The following EML6 variants were observed in gnomAD, a reference collection of about 807,000 sequenced individuals.
The protein encoded by EML6 is EMAP like 6.
Under a neutral mutation model 240.1 loss-of-function variants are expected in EML6, and 154 were observed. The ratio of observed to expected loss-of-function variants is 0.64; its 90% CI spans 0.56 to 0.73. The LOEUF is 0.73. Ranked by LOEUF, EML6 falls within the 30% of genes least tolerant of loss-of-function variation. EML6 has a pLI of 0.00. For synonymous variants in EML6, 1,148 were observed against 899.0 expected (o/e 1.28, Z -4.95); for missense variants, 2,964 against 2,474.6 (o/e 1.20, Z -4.20).
chr2:54,947,521 T>C (rs1482211611), intron 28 of EML6, among the ~76,000 whole-genome samples: 1 of 151,928 alleles, frequency 6.6e-6, no homozygotes, highest in Non-Finnish European at 1.5e-5. Context: ...CCGCAAGCCA[T>C]TCGAGCAGGC....
chr2:54,845,373 G>A (rs954063599), intron 8 of EML6, among the ~76,000 whole-genome samples: 19 of 152,176 alleles, frequency 1.2e-4, no homozygotes, highest in Admixed American at 9.8e-4. Flanking sequence ...TACCCATCCA[G>A]AAAGAAGTGA....
chr2:54,797,736 G>A (rs1193695363), intron 2 of EML6, among the ~76,000 whole-genome samples: 2 of 152,146 alleles, frequency 1.3e-5, no homozygotes, highest in Non-Finnish European at 2.9e-5. Context: ...GAGGTTATAA[G>A]CACCAGCTTT....
At chr2:54,969,765 A>C (rs1190470237) in intron 41 of EML6, among the ~76,000 whole-genome samples, 1 of 152,206 alleles carries the variant, frequency 6.6e-6, no homozygotes, top group Non-Finnish European at 1.5e-5. Flanking sequence ...GAGGTGATAA[A>C]CCTTTTCAAT....
At chr2:54,810,606 A>G (rs576484082) in intron 2 of EML6, among the ~76,000 whole-genome samples, 1 of 152,214 alleles carries the variant, frequency 6.6e-6, no homozygotes, top group South Asian at 2.1e-4. Context: ...CTGGCCTTCC[A>G]GGGGAAATAT....
intron 19 of EML6, among the ~76,000 whole-genome samples, chr2:54,894,484 T>G (rs946493782): frequency 6.6e-6 from 1 of 152,224 alleles, no homozygotes; most frequent in African/African-American, 2.4e-5. Flanking sequence ...GGACATGACT[T>G]TTATTTTTAA....
chr2:54,931,534 C>CCAG (rs1230334740), intron 28 of EML6, among the ~76,000 whole-genome samples: 2 of 152,258 alleles, frequency 1.3e-5, no homozygotes, highest in Admixed American at 1.3e-4. Flanking sequence ...GGGCCGTTGC[C>CCAG]CAGCAGCTCC....
At chr2:54,968,518 C>T (rs1333291179) in intron 40 of EML6, 150 bp from the exon 41 acceptor site, 1 of 671,340 alleles carries the variant, frequency 1.5e-6, no homozygotes. Flanking sequence ...GAAAGTCAGC[C>T]AAAGGCTGGC....
intron 23 of EML6, 49 bp downstream of exon 23, chr2:54,903,245 A>G: frequency 6.5e-7 from 1 of 1,531,576 alleles, no homozygotes; most frequent in Non-Finnish European, 8.8e-7. Flanking sequence ...CTTGGGACAA[A>G]AAATTACAAG....
At chr2:54,859,113 C>A (rs1670541581) in intron 11 of EML6, among the ~76,000 whole-genome samples, 2 of 152,220 alleles carry the variant, frequency 1.3e-5, no homozygotes, top group East Asian at 3.8e-4. Flanking sequence ...AAAAATGATT[C>A]TCCAAACTCT....
At chr2:54,804,807 C>G (rs1011263081) in intron 2 of EML6, among the ~76,000 whole-genome samples, 2 of 152,200 alleles carry the variant, frequency 1.3e-5, no homozygotes, top group Non-Finnish European at 1.5e-5. Flanking sequence ...ACTTCCACAT[C>G]TCAAAACAGT....
intron 2 of EML6, among the ~76,000 whole-genome samples, chr2:54,798,869 G>C (rs1669961765): frequency 6.6e-6 from 1 of 152,142 alleles, no homozygotes. Flanking sequence ...TAAAGAGAAT[G>C]CATTCAGTAT....
chr2:54,849,860 G>T, intron 9 of EML6, 102 bp from the exon 10 acceptor site: 1 of 871,646 alleles, frequency 1.1e-6, no homozygotes, highest in Non-Finnish European at 1.7e-6. Flanking sequence ...CTGCAGGTTT[G>T]GTTCTCTTTC....
At chr2:54,956,398 G>A (rs1676235099) in intron 32 of EML6, among the ~76,000 whole-genome samples, 1 of 94,528 alleles carries the variant, frequency 1.1e-5, no homozygotes, top group African/African-American at 2.7e-5. Context: ...CTTGGAGTGG[G>A]AGGGTTGTCT....
chr2:54,843,894 T>C (rs1240995443), intron 7 of EML6, among the ~76,000 whole-genome samples, 153 bp from the exon 8 acceptor site: 1 of 150,108 alleles, frequency 6.7e-6, no homozygotes, highest in East Asian at 2.0e-4. Flanking sequence ...GTTGATTCTC[T>C]GCCTCCAAGA....
At chr2:54,902,969 T>G (rs1673138209) in intron 22 of EML6, 75 bp from the exon 23 acceptor site, 1 of 1,362,000 alleles carries the variant, frequency 7.3e-7, no homozygotes, top group African/African-American at 1.5e-5. Flanking sequence ...ATCATCAGAT[T>G]TCTTCATCTT....
intron 2 of EML6, among the ~76,000 whole-genome samples, chr2:54,775,408 C>G (rs568814272): frequency 6.6e-6 from 1 of 152,102 alleles, no homozygotes. Flanking sequence ...TGTTCTTTCC[C>G]GTGCCTGAAA....
In EML6 at chr2:54,764,410, C is replaced by A. The variant is rs531591192; in HGVS notation, c.197+39152C>A. ...ATAATTAACTCAACATCTGATCCCC[C>A]CAAAGCAATCACAAATAAATTCATT... On this transcript the variant is annotated intron_variant, in intron 2 of 41. Transcript: ENST00000356458. 1.3e-3 allele frequency among the ~76,000 whole-genome samples: 193 copies of A among 152,286 alleles called. 2 individuals carry two copies. The highest frequency in any genetic ancestry group is 4.4e-3 in the African/African-American group (182 of 41,560).
intron 21 of EML6, 139 bp downstream of exon 21, chr2:54,895,539 C>T (rs1212202739): frequency 2.6e-6 from 2 of 755,194 alleles, no homozygotes; most frequent in African/African-American, 3.5e-5. Flanking sequence ...TTACCTATTG[C>T]TGTGTAACAA....
At chr2:54,811,822 T>C (rs564925132) in intron 2 of EML6, among the ~76,000 whole-genome samples, 38 of 152,344 alleles carry the variant, frequency 2.5e-4, no homozygotes, top group Non-Finnish European at 4.9e-4. Context: ...GGTCCTTTCT[T>C]ATTGATAATC....
Sources: allele counts gnomAD v4.1 joint callset (sites outside exome capture counted in the v4.1 genomes callset), GRCh38; gene constraint gnomAD v4.1.1; transcripts MANE v1.5; gene names NCBI Gene and HGNC (gene_info 2026-07-23, HGNC 2026-07-21).